Variants in ETF1 observed in about 807,000 individuals in gnomAD.
ETF1 encodes eukaryotic translation termination factor 1, also known as eukaryotic peptide chain release factor subunit 1.
In ETF1, 4 loss-of-function variants were observed where a neutral mutation model predicts 55.1. The observed-to-expected ratio is 0.07, with a 90% confidence interval of 0.04 to 0.17. The LOEUF (loss-of-function observed/expected upper bound fraction) is 0.17. ETF1 is among the 10% of genes least tolerant of loss of function. ETF1 has a pLI of 1.00. For missense variants in ETF1, 142 were observed against 523.6 expected (o/e 0.27, Z 7.11); for synonymous variants, 157 against 182.3 (o/e 0.86, Z 1.12).
At chr5:138,510,975 C>A in intron 8 of ETF1, 70 bp downstream of exon 8, 1 of 1,565,798 alleles carries the variant, frequency 6.4e-7, no homozygotes, top group Non-Finnish European at 8.6e-7. Flanking sequence ...ATCAGCCATC[C>A]CTCCCAAATC....
intron 2 of ETF1, among the ~76,000 whole-genome samples, chr5:138,542,227 G>A (rs116242693): frequency 0.018 from 2,690 of 152,226 alleles, 71 homozygotes; most frequent in African/African-American, 0.061. Flanking sequence ...GGTGGGTCCT[G>A]GAACAGCTAA....
At chr5:138,518,971 G>T in intron 2 of ETF1, 104 bp from the exon 3 acceptor site, 13 of 1,540,900 alleles carry the variant, frequency 8.4e-6, no homozygotes, top group Non-Finnish European at 1.1e-5. Flanking sequence ...CAAAGTTATG[G>T]AAACAGGTCA....
intron 10 of ETF1, 81 bp downstream of exon 10, chr5:138,508,588 G>A (rs897578992): frequency 1.5e-5 from 23 of 1,578,858 alleles, no homozygotes; most frequent in African/African-American, 5.4e-5. Flanking sequence ...GCACCTCACC[G>A]GAAGCAGGGC....
intron 2 of ETF1, among the ~76,000 whole-genome samples, chr5:138,522,803 G>C (rs13165802): frequency 9.9e-5 from 15 of 151,782 alleles, no homozygotes; most frequent in Non-Finnish European, 2.1e-4. Flanking sequence ...TCAGGAGATC[G>C]AGATCATCCT....
At chr5:138,528,974 C>T (rs1450983416) in intron 2 of ETF1, among the ~76,000 whole-genome samples, 1 of 151,882 alleles carries the variant, frequency 6.6e-6, no homozygotes. Context: ...TGAGGAAACC[C>T]ATCTCTACTA....
intron 6 of ETF1, 178 bp from the exon 7 acceptor site, chr5:138,511,782 G>T: frequency 1.0e-6 from 1 of 980,970 alleles, no homozygotes; most frequent in Non-Finnish European, 1.2e-6. Context: ...AAAGTGAACA[G>T]CACTGCCAAT....
At chr5:138,516,556 G>A (rs771186778) in intron 4 of ETF1, among the ~76,000 whole-genome samples, 4 of 152,284 alleles carry the variant, frequency 2.6e-5, no homozygotes, top group East Asian at 3.9e-4. Context: ...CACAAGAATC[G>A]CTTGAACCAT....
intron 9 of ETF1, 84 bp from the exon 10 acceptor site, chr5:138,508,900 C>G (rs1451530904): frequency 6.5e-7 from 1 of 1,531,814 alleles, no homozygotes; most frequent in Admixed American, 2.0e-5. Flanking sequence ...CCTTGCCCAC[C>G]TATCACTCTC....
intron 2 of ETF1, among the ~76,000 whole-genome samples, chr5:138,524,053 G>A (rs190807786): frequency 2.6e-4 from 39 of 152,288 alleles, no homozygotes; most frequent in Admixed American, 1.6e-3. Flanking sequence ...AGGCGTGGTG[G>A]CTCATGCCTG....
intron 2 of ETF1, among the ~76,000 whole-genome samples, chr5:138,526,687 C>T (rs1361377164): frequency 6.6e-6 from 1 of 151,992 alleles, no homozygotes; most frequent in African/African-American, 2.4e-5. Flanking sequence ...CAGGCATGCA[C>T]CATCATGCCC....
In ETF1 at chr5:138,542,752, C is replaced by A. The variant is rs557999571; in HGVS notation, c.86+81G>T. 1.3e-4 allele frequency: 211 copies of A among 1,569,854 alleles called. No homozygotes were observed. The African/African-American group carries it at 2.2e-3, about 16-fold the overall frequency. ...TTGGCTAGTGCCTGGTTCTCCTCAT[C>A]CGGCCATGCGGCGCGGGGGCGTCCA... On this transcript the variant is annotated intron_variant, in intron 2 of 10. Transcript: ENST00000360541.
At chr5:138,510,718 G>A (rs1764742625) in intron 8 of ETF1, 89 bp from the exon 9 acceptor site, 6 of 1,534,210 alleles carry the variant, frequency 3.9e-6, no homozygotes, top group Admixed American at 2.0e-5. Context: ...ATGAGAAAAG[G>A]GCTCAGGGAC....
chr5:138,541,461 C>A, intron 2 of ETF1: 2 of 1,268,590 alleles, frequency 1.6e-6, no homozygotes, highest in Non-Finnish European at 2.2e-6. Context: ...TTTTAGAAGC[C>A]TCATTCCAAA....
intron 2 of ETF1, among the ~76,000 whole-genome samples, chr5:138,538,184 C>T (rs1175700216): frequency 6.8e-6 from 1 of 146,924 alleles, no homozygotes; most frequent in East Asian, 2.0e-4. Context: ...GCCACCACGC[C>T]CGGCCTGGGC....
intron 2 of ETF1, among the ~76,000 whole-genome samples, chr5:138,536,271 G>A (rs1318662225): frequency 6.6e-6 from 1 of 152,182 alleles, no homozygotes; most frequent in Non-Finnish European, 1.5e-5. Flanking sequence ...ATGAAAATGT[G>A]AAAACAAGAG....
At chr5:138,537,892 A>ATTC (rs891238327) in intron 2 of ETF1, among the ~76,000 whole-genome samples, 1 of 125,598 alleles carries the variant, frequency 8.0e-6, no homozygotes, top group Non-Finnish European at 1.7e-5. Flanking sequence ...TATTATTATT[A>ATTC]TTATTTTTTT....
At chr5:138,525,220 C>T (rs1377834542) in intron 2 of ETF1, among the ~76,000 whole-genome samples, 5 of 151,316 alleles carry the variant, frequency 3.3e-5, no homozygotes, top group Non-Finnish European at 2.9e-5. Context: ...TGCAGTGGGG[C>T]GATCTTGGCT....
intron 9 of ETF1, 57 bp downstream of exon 9, chr5:138,510,508 T>G: frequency 1.5e-6 from 2 of 1,352,234 alleles, no homozygotes; most frequent in Non-Finnish European, 2.1e-6. Context: ...CAGCCAGTAC[T>G]CTAACACACG....
intron 2 of ETF1, among the ~76,000 whole-genome samples, chr5:138,525,683 T>C (rs1765438768): frequency 6.6e-6 from 1 of 151,928 alleles, no homozygotes; most frequent in South Asian, 2.1e-4. Flanking sequence ...CGGTAGCTCA[T>C]ACCTGTAATC....
Sources: allele counts gnomAD v4.1 joint callset (sites outside exome capture counted in the v4.1 genomes callset), GRCh38; gene constraint gnomAD v4.1.1; transcripts MANE v1.5; gene names NCBI Gene and HGNC (gene_info 2026-07-23, HGNC 2026-07-21).